The following ARHGEF28 variants were observed in gnomAD, a reference collection of about 807,000 sequenced individuals.
The protein encoded by ARHGEF28 is 190 kDa guanine nucleotide exchange factor.
In ARHGEF28, 152 loss-of-function variants were observed where a neutral mutation model predicts 206.6. The observed-to-expected ratio is 0.74, with a 90% confidence interval of 0.64 to 0.84. The LOEUF is 0.84. ARHGEF28 is among the 40% of genes least tolerant of loss of function. The probability of loss-of-function intolerance (pLI) is 0.00; values close to 1 mark genes in which losing one functional copy is unlikely to be tolerated. For synonymous variants in ARHGEF28, 763 were observed against 776.4 expected, an observed-to-expected ratio of 0.98 and a Z score of 0.29; for missense variants, 2,028 against 2,073.2, an observed-to-expected ratio of 0.98 and a Z score of 0.42.
chr5:73,700,670 T>C (rs1748545146), intron 2 of ARHGEF28, among the ~76,000 whole-genome samples: 1 of 152,182 alleles, frequency 6.6e-6, no homozygotes, highest in Non-Finnish European at 1.5e-5. Context: ...GTGCAAGAGG[T>C]GATTGAGTAC....
intron 1 of ARHGEF28, among the ~76,000 whole-genome samples, chr5:73,681,822 A>G (rs1427337423): frequency 6.6e-6 from 1 of 152,108 alleles, no homozygotes; most frequent in Non-Finnish European, 1.5e-5. Flanking sequence ...CTCAAAAAAA[A>G]AAATTGATGA....
At chr5:73,693,082 G>A (rs1561337676) in intron 2 of ARHGEF28, among the ~76,000 whole-genome samples, 1 of 152,198 alleles carries the variant, frequency 6.6e-6, no homozygotes, top group Admixed American at 6.5e-5. Context: ...TAACTCAGCT[G>A]GTTTGACACT....
chr5:73,747,301 G>A (rs1267291564), intron 2 of ARHGEF28, among the ~76,000 whole-genome samples: 2 of 152,138 alleles, frequency 1.3e-5, no homozygotes, highest in Admixed American at 1.3e-4. Context: ...TTTTGTCTTT[G>A]CCATATATGA....
intron 21 of ARHGEF28, 53 bp from the exon 22 acceptor site, chr5:73,872,946 G>T: frequency 6.3e-7 from 1 of 1,586,910 alleles, no homozygotes; most frequent in South Asian, 1.1e-5. Context: ...GTTTAATAGC[G>T]AAACTTGCTT....
Position 73,869,221 on chromosome 5 carries a change from G to GT in ARHGEF28, c.2426-847dup, listed in dbSNP as rs1294849501. ...TTTTCCTGAGGAGTGTGTGTGTGGG[G>GT]TGGAGGGGGGTGGGGAAGGGCATGT... On this transcript the variant is annotated intron_variant, in intron 20 of 35. Transcript: ENST00000513042. 8.6e-4 allele frequency among the ~76,000 whole-genome samples: 77 copies of GT among 89,728 alleles called. 2 individuals are homozygous for GT. Among genetic ancestry groups the GT allele is most frequent in the South Asian group, 4.0e-3 (11 of 2,734 alleles). The allele number at this position is 89,728 out of a possible 152,430, so 58.9% of individuals were successfully genotyped here.
intron 35 of ARHGEF28, among the ~76,000 whole-genome samples, chr5:73,939,430 G>A (rs547034951): frequency 3.5e-4 from 53 of 152,304 alleles, no homozygotes; most frequent in South Asian, 1.2e-3. Context: ...AAAGGGTCAG[G>A]GATGGGCTAA....
At chr5:73,893,119 G>A in intron 27 of ARHGEF28, 78 bp from the exon 28 acceptor site, 2 of 1,199,752 alleles carry the variant, frequency 1.7e-6, no homozygotes, top group Non-Finnish European at 1.1e-6. Flanking sequence ...CTATTGCCAA[G>A]TTCCCATGTT....
chr5:73,795,839 G>T (rs1354229893), intron 9 of ARHGEF28, among the ~76,000 whole-genome samples: 2 of 131,296 alleles, frequency 1.5e-5, no homozygotes, highest in Non-Finnish European at 3.4e-5. Context: ...GGTCCCCTTG[G>T]AGCTGAGCCT....
Position 73,898,099 on chromosome 5 carries a change from T to TGAAAATGC in ARHGEF28, c.3973+7_3973+14dup, listed in dbSNP as rs1462429321. 1.2e-6 allele frequency: 2 copies of TGAAAATGC among 1,610,180 alleles called. No individual in the cohort carries two copies. The highest frequency in any genetic ancestry group is 4.5e-5 in the East Asian group (2 of 44,776). On this transcript the variant is annotated splice_region_variant and intron_variant, in intron 30 of 35. Transcript: ENST00000513042. ...ACCAGGATCACCGACTGCCTGTAAG[T>TGAAAATGC]GAAAATGCAGGCCTTGGCAATGAGC...
At chr5:73,649,057 T>A (rs1744627312) in intron 1 of ARHGEF28, among the ~76,000 whole-genome samples, 1 of 152,238 alleles carries the variant, frequency 6.6e-6, no homozygotes, top group Non-Finnish European at 1.5e-5. Context: ...TGTTACTCAT[T>A]TATCCTTACA....
At chr5:73,657,532 A>T (rs1745299155) in intron 1 of ARHGEF28, among the ~76,000 whole-genome samples, 1 of 152,166 alleles carries the variant, frequency 6.6e-6, no homozygotes, top group African/African-American at 2.4e-5. Context: ...TGTTGTTTGT[A>T]CTGTCTTTTT....
chr5:73,868,376 T>G (rs908324993), intron 20 of ARHGEF28, 149 bp downstream of exon 20: 1 of 1,060,526 alleles, frequency 9.4e-7, no homozygotes, highest in Non-Finnish European at 1.3e-6. Context: ...GTTCTACTTT[T>G]TAAACGAATG....
intron 4 of ARHGEF28, among the ~76,000 whole-genome samples, chr5:73,772,805 T>A (rs1753301437): frequency 2.6e-5 from 4 of 152,240 alleles, no homozygotes. Context: ...CTGCCTTTTA[T>A]TGGTTTCTAC....
chr5:73,927,696 G>A (rs576022528), intron 35 of ARHGEF28, among the ~76,000 whole-genome samples: 18 of 152,102 alleles, frequency 1.2e-4, no homozygotes, highest in African/African-American at 4.3e-4. Flanking sequence ...GTACTTTAAG[G>A]GCCTAATTTT....
At chr5:73,740,879 A>T (rs1433494965) in intron 2 of ARHGEF28, among the ~76,000 whole-genome samples, 2 of 152,134 alleles carry the variant, frequency 1.3e-5, no homozygotes, top group Admixed American at 1.3e-4. Flanking sequence ...TCCCTCAGTG[A>T]TGCTAGTGGA....
At chr5:73,902,896 T>C (rs1396871678) in intron 31 of ARHGEF28, 1 of 152,220 alleles carries the variant, frequency 6.6e-6, no homozygotes, top group Non-Finnish European at 1.5e-5. Context: ...CATATGGTCT[T>C]ACTACAGAAG....
At chr5:73,923,234 T>A (rs1438922149) in intron 35 of ARHGEF28, 1 of 1,385,898 alleles carries the variant, frequency 7.2e-7, no homozygotes, top group Non-Finnish European at 9.7e-7. Context: ...TAATTTGGTT[T>A]TTAAAATGTT....
Position 73,867,908 on chromosome 5 carries a change from C to G in ARHGEF28, c.2185C>G (p.Leu729Val). Residue 729 changes from leucine (L) to valine (V), a missense_variant, in exon 19 of 36, where the codon CTC (leucine) becomes GTC (valine). Physicochemically the swap from Leu to Val is conservative, Grantham distance 32 (BLOSUM62 1). Coordinates refer to ENST00000513042, the MANE Select transcript of ARHGEF28 (RefSeq NM_001177693.2). ...ATTTAGAGACATCCCACAGCCTGGT[C>G]TCTCCTTGCACCCTTCTTCCTCCGT... ...SSFRDIPQPG[L>V]SLHPSSSVPV... 1 of 1,613,994 alleles carries G rather than the reference C, an allele frequency of 6.2e-7. No homozygotes were observed.
chr5:73,865,811 A>G (rs1002250604), intron 17 of ARHGEF28, among the ~76,000 whole-genome samples, 154 bp from the exon 18 acceptor site: 1 of 152,172 alleles, frequency 6.6e-6, no homozygotes, highest in Non-Finnish European at 1.5e-5. Context: ...TTGACTCTTC[A>G]TTGCATTTAA....
Sources: allele counts gnomAD v4.1 joint callset (sites outside exome capture counted in the v4.1 genomes callset), GRCh38; gene constraint gnomAD v4.1.1; transcripts MANE v1.5; gene names NCBI Gene and HGNC (gene_info 2026-07-23, HGNC 2026-07-21).